GNAI3: variants seen among roughly 807,000 people sequenced by gnomAD.
The protein encoded by GNAI3 is G protein subunit alpha i3, also known as guanine nucleotide-binding protein G(i) subunit alpha-3.
In GNAI3, 12 loss-of-function variants were observed where a neutral mutation model predicts 41.8. The observed-to-expected ratio is 0.29, with a 90% CI of 0.18 to 0.47. The LOEUF (loss-of-function observed/expected upper bound fraction) is 0.47, where lower values mean the gene tolerates loss of function less well. Among genes scored for constraint, GNAI3 ranks in the 20% least tolerant of loss-of-function variants. The probability of loss-of-function intolerance (pLI) is 1.00; values close to 1 mark genes in which losing one functional copy is unlikely to be tolerated. For missense variants in GNAI3, 360 were observed against 429.6 expected, an observed-to-expected ratio of 0.84 and a Z score of 1.43; for synonymous variants, 132 against 146.5, an observed-to-expected ratio of 0.90 and a Z score of 0.71.
At chr1:109,581,796 G>A (rs558142760) in intron 4 of GNAI3, among the ~76,000 whole-genome samples, 1 of 152,112 alleles carries the variant, frequency 6.6e-6, no homozygotes, top group South Asian at 2.1e-4. Context: ...GGCTGAGGCA[G>A]GAGAATCATT....
chr1:109,586,461 A>T lies in GNAI3; in HGVS notation c.720+116A>T, dbSNP rs59781731. On this transcript the variant is annotated intron_variant, in intron 6 of 8. Coordinates refer to ENST00000369851, the MANE Select transcript of GNAI3 (RefSeq NM_006496.4). ...ATTCAACCAAAACTTAGTATCTTTA[A>T]TTTTTTTGATCTGTGCCCTATTACT... 5.9e-4 allele frequency: 628 copies of T among 1,058,688 alleles called. No individual in the cohort carries two copies. The highest frequency in any genetic ancestry group is 7.4e-4 in the Admixed American group (31 of 41,726). 65.6% of individuals were successfully genotyped at this position (1,058,688 alleles called of 1,614,324 possible).
rs1648921858 is a variant in GNAI3, at chr1:109,582,510, G to A, written c.535G>A (p.Val179Met). 6.3e-7 allele frequency: 1 copy of A among 1,598,838 alleles called. No individual in the cohort carries two copies. The highest frequency in any genetic ancestry group is 1.3e-5 in the African/African-American group (1 of 74,630). ...PTQQDVLRTRVKTTGIVETHF... is the reference protein window; with the variant it reads ...PTQQDVLRTRMKTTGIVETHF... ...TCAGCAAGATGTTCTTCGGACGAGAGTGAAGACCACAGGCATTGTAGAAAC... is the reference window on the plus strand; with the variant it reads ...TCAGCAAGATGTTCTTCGGACGAGAATGAAGACCACAGGCATTGTAGAAAC... Residue 179 changes from valine to methionine, a missense_variant, in exon 5 of 9, where the codon GTG becomes ATG. Val to Met is a conservative substitution (Grantham distance 21, BLOSUM62 1). Coordinates refer to ENST00000369851, the MANE Select transcript of GNAI3 (RefSeq NM_006496.4).
At chr1:109,581,890 AAAAAAC>A (rs1160114500) in intron 4 of GNAI3, among the ~76,000 whole-genome samples, 1 of 106,330 alleles carries the variant, frequency 9.4e-6, no homozygotes, top group Admixed American at 1.2e-4. Flanking sequence ...CTCTGTCTCA[AAAAAAC>A]AAAACAAAAC....
At position 109,576,378 on chromosome 1, in the gene GNAI3, G is replaced by GT. The variant is rs770699388; in HGVS notation, c.303+2347dup. On this transcript the variant is annotated intron_variant, in intron 3 of 8. Transcript: ENST00000369851. ...GCCACTGTGCCCGGCTTCTACTCTA[G>GT]TTTTTTATAGTTGGTTAGAGAGTGT... Among the ~76,000 whole-genome samples, 225 of 151,874 alleles carry GT rather than the reference G, an allele frequency of 1.5e-3. 1 individual carries two copies. The highest frequency in any genetic ancestry group is 1.1e-3 in the Non-Finnish European group (74 of 67,924).
At chr1:109,551,180 TTAAG>T (rs1200217987) in intron 1 of GNAI3, among the ~76,000 whole-genome samples, 1 of 152,240 alleles carries the variant, frequency 6.6e-6, no homozygotes, top group Non-Finnish European at 1.5e-5. Flanking sequence ...TCATTCTTTT[TTAAG>T]TAAGATTTTT....
rs1353457033 is a variant in GNAI3, at chr1:109,592,162, G to A, written c.994G>A (p.Val332Met). The stretch of plus-strand genomic sequence containing the variant: ...CACCTGTGCCACAGACACGAAGAAT[G>A]TGCAGTTTGTTTTTGATGCTGTTAC... ...HFTCATDTKNVQFVFDAVTDV... is the reference protein window; with the variant it reads ...HFTCATDTKNMQFVFDAVTDV... The change falls in exon 8 of 9, where the codon GTG (valine) becomes ATG (methionine). Residue 332 changes from valine (V) to methionine (M), a missense_variant. Val to Met is a conservative substitution (Grantham distance 21, BLOSUM62 1). Transcript: ENST00000369851. 1.2e-5 allele frequency: 20 copies of A among 1,613,322 alleles called. No individual in the cohort carries two copies. Among genetic ancestry groups the A allele is most frequent in the Non-Finnish European group, 1.7e-5 (20 of 1,179,246 alleles).
chr1:109,593,412 T>G lies in GNAI3; in HGVS notation c.*1090T>G, dbSNP rs1004731040. ...GTAATCCTTAGCCAGTATGTTCTTT[T>G]GCTGAAACTGTTGCATTTTGGGACT... On this transcript the variant is annotated 3_prime_UTR_variant, in exon 9 of 9. Transcript: ENST00000369851. The G allele has an allele frequency of 3.3e-5, 5 of 152,692 alleles. No homozygotes were observed. Among genetic ancestry groups the G allele is most frequent in the African/African-American group, 1.2e-4 (5 of 41,472 alleles). 9.5% of individuals were successfully genotyped at this position (152,692 alleles called of 1,614,324 possible). A position where few individuals can be genotyped will look rare whatever the true frequency, so the allele number is the denominator to read the frequency against.
intron 3 of GNAI3, among the ~76,000 whole-genome samples, chr1:109,577,458 G>A (rs1648781105): frequency 6.6e-6 from 1 of 151,888 alleles, no homozygotes; most frequent in Non-Finnish European, 1.5e-5. Context: ...TGTATTTTTA[G>A]TGGAGATGGG....
chr1:109,584,992 A>T (rs1648998136), intron 5 of GNAI3, among the ~76,000 whole-genome samples: 1 of 152,238 alleles, frequency 6.6e-6, no homozygotes, highest in South Asian at 2.1e-4. Context: ...GTGCAAGATC[A>T]ACCCAAAGGA....
chr1:109,578,484 A>C (rs971045846), intron 3 of GNAI3, among the ~76,000 whole-genome samples: 1 of 151,304 alleles, frequency 6.6e-6, no homozygotes, highest in South Asian at 2.1e-4. Context: ...AAAAAAAAAA[A>C]AAAAAAAGAA....
At chr1:109,552,309 A>C (rs1396915100) in intron 1 of GNAI3, among the ~76,000 whole-genome samples, 1 of 152,216 alleles carries the variant, frequency 6.6e-6, no homozygotes, top group Non-Finnish European at 1.5e-5. Flanking sequence ...TGCTGTTTAC[A>C]AATTTTTTAT....
At chr1:109,555,276 C>T (rs576646047) in intron 1 of GNAI3, among the ~76,000 whole-genome samples, 3 of 152,280 alleles carry the variant, frequency 2.0e-5, no homozygotes, top group South Asian at 2.1e-4. Context: ...TACCTGACTT[C>T]GAACTATACT....
At chr1:109,549,333 C>A (rs541406582) in intron 1 of GNAI3, among the ~76,000 whole-genome samples, 22 of 152,146 alleles carry the variant, frequency 1.4e-4, no homozygotes, top group African/African-American at 5.3e-4. Flanking sequence ...CACATAAGGA[C>A]GTTGACATTT....
chr1:109,582,776 G>A (rs1488120461), intron 5 of GNAI3, among the ~76,000 whole-genome samples: 1 of 152,038 alleles, frequency 6.6e-6, no homozygotes, highest in East Asian at 1.9e-4. Flanking sequence ...TCCTTTTAGA[G>A]GAATTTAAAT....
At position 109,573,989 on chromosome 1, in the gene GNAI3, A is replaced by AAGAGC. The variant is rs1648675111; in HGVS notation, c.256_260dup (p.Met88GlufsTer6). ...CTATACAGTCCATCATTGCAATCAT[A>AAGAGC]AGAGCCATGGGACGGCTAAAGATTG... is the stretch of plus-strand genomic sequence containing the variant. On this transcript the variant is annotated frameshift_variant, in exon 3 of 9. Transcript: ENST00000369851. LOFTEE classifies it high-confidence loss of function. 1 of 1,611,298 alleles carries AAGAGC rather than the reference A, an allele frequency of 6.2e-7. No homozygotes were observed. The highest frequency in any genetic ancestry group is 8.5e-7 in the Non-Finnish European group (1 of 1,177,664).
intron 1 of GNAI3, among the ~76,000 whole-genome samples, chr1:109,553,916 C>G (rs1289822302): frequency 6.6e-6 from 1 of 152,160 alleles, no homozygotes; most frequent in Non-Finnish European, 1.5e-5. Context: ...CCTTTGCATC[C>G]TCATAGCTTA....
chr1:109,573,420 T>A (rs1220387262), intron 1 of GNAI3, among the ~76,000 whole-genome samples: 1 of 152,188 alleles, frequency 6.6e-6, no homozygotes, highest in Admixed American at 6.5e-5. Flanking sequence ...AGTGTTTATA[T>A]CATGTTTTAT....
rs1394175624 is a variant in GNAI3 at position 109,593,171 on chromosome 1, C to T, written c.*849C>T. On this transcript the variant is annotated 3_prime_UTR_variant, in exon 9 of 9. Transcript: ENST00000369851. ...GCTAAATTCCAAACAGAACCAGTGACTTTGCTGCTACATATTTACTAAATT... is the reference window on the plus strand; with the variant it reads ...GCTAAATTCCAAACAGAACCAGTGATTTTGCTGCTACATATTTACTAAATT... 6.6e-6 allele frequency: 1 copy of T among 152,652 alleles called. No individual in the cohort carries two copies. The highest frequency in any genetic ancestry group is 1.5e-5 in the Non-Finnish European group (1 of 68,058). 9.5% of individuals were successfully genotyped at this position (152,652 alleles called of 1,614,324 possible). A position where few individuals can be genotyped will look rare whatever the true frequency, so the allele number is the denominator to read the frequency against.
At chr1:109,574,823 C>T (rs1163127311) in intron 3 of GNAI3, among the ~76,000 whole-genome samples, 2 of 152,078 alleles carry the variant, frequency 1.3e-5, no homozygotes, top group East Asian at 3.9e-4. Context: ...ACTTATGTGC[C>T]ATGGCGAAAT....
Sources: gnomAD v4.1 joint callset for allele counts (sites outside exome capture counted in the v4.1 genomes callset) on GRCh38, gnomAD v4.1.1 for gene constraint, MANE v1.5 for transcripts, NCBI Gene and HGNC (gene_info 2026-07-23, HGNC 2026-07-21) for gene names.